Variants in TTC39C observed in about 807,000 individuals in gnomAD.
The protein encoded by TTC39C is tetratricopeptide repeat domain 39C.
A neutral mutation model predicts 76.3 loss-of-function variants in TTC39C; 33 were observed. The observed-to-expected ratio is 0.43, with a 90% confidence interval of 0.33 to 0.58. The LOEUF (loss-of-function observed/expected upper bound fraction) is 0.58. TTC39C is among the 20% of genes least tolerant of loss of function. TTC39C has a pLI of 0.04. For synonymous variants in TTC39C, 254 were observed against 260.6 expected (o/e 0.97, Z 0.24); for missense variants, 595 against 701.4 (o/e 0.85, Z 1.71).
At chr18:24,113,333 C>T in intron 6 of TTC39C, 1 of 506,232 alleles carries the variant, frequency 2.0e-6, no homozygotes. Context: ...CCTTGTTTCC[C>T]CGAGGCCTCC....
At chr18:24,065,252 A>T (rs1243556653) in intron 2 of TTC39C, among the ~76,000 whole-genome samples, 1 of 152,258 alleles carries the variant, frequency 6.6e-6, no homozygotes, top group Non-Finnish European at 1.5e-5. Flanking sequence ...GCCAAGATGG[A>T]GCTGGTGGAA....
chr18:24,061,530 G>A (rs1249586296), intron 1 of TTC39C, among the ~76,000 whole-genome samples: 1 of 144,840 alleles, frequency 6.9e-6, no homozygotes, highest in Admixed American at 7.2e-5. Context: ...AGAGACACAT[G>A]CATGGTCCAC....
intron 1 of TTC39C, among the ~76,000 whole-genome samples, chr18:24,008,864 C>T (rs536082457): frequency 6.6e-6 from 1 of 152,310 alleles, no homozygotes; most frequent in African/African-American, 2.4e-5. Context: ...GAATACCACA[C>T]AACCATAAAA....
chr18:24,036,077 TGCATTG>T (rs2083728973), intron 1 of TTC39C, among the ~76,000 whole-genome samples: 1 of 151,722 alleles, frequency 6.6e-6, no homozygotes, highest in African/African-American at 2.4e-5. Flanking sequence ...TCTATTCTTT[TGCATTG>T]GTCTATATGT....
intron 8 of TTC39C, chr18:24,120,848 G>C (rs1315881624): frequency 6.7e-6 from 1 of 149,320 alleles, no homozygotes; most frequent in Admixed American, 6.7e-5. Context: ...GTTCATCCAT[G>C]TTGTAACATG....
chr18:24,104,046 C>T (rs753865060), intron 6 of TTC39C, among the ~76,000 whole-genome samples: 2 of 151,980 alleles, frequency 1.3e-5, no homozygotes, highest in South Asian at 4.1e-4. Flanking sequence ...ATTCTCCTAC[C>T]TCAACCTCTT....
intron 6 of TTC39C, among the ~76,000 whole-genome samples, chr18:24,086,705 C>A (rs1253880776): frequency 2.0e-5 from 3 of 152,184 alleles, no homozygotes; most frequent in Non-Finnish European, 4.4e-5. Context: ...AGTACTGTGC[C>A]TCGAACCTTC....
chr18:24,099,008 T>TGTGA (rs1555775982), intron 6 of TTC39C, among the ~76,000 whole-genome samples: 2 of 134,556 alleles, frequency 1.5e-5, no homozygotes, highest in Non-Finnish European at 3.3e-5. Flanking sequence ...TAGAGGAATG[T>TGTGA]GTGTGTGTGT....
chr18:24,036,785 C>G (rs182726206), intron 1 of TTC39C, among the ~76,000 whole-genome samples: 204 of 152,204 alleles, frequency 1.3e-3, no homozygotes, highest in African/African-American at 4.7e-3. Flanking sequence ...GTGTGTGCCA[C>G]TACACCTGGC....
At chr18:24,022,968 T>A in intron 1 of TTC39C, 1 of 778,882 alleles carries the variant, frequency 1.3e-6, no homozygotes, top group Non-Finnish European at 1.6e-6. Flanking sequence ...CAAAATTGTT[T>A]ACACATCTGC....
Position 24,040,147 on chromosome 18 carries a change from A to G in TTC39C, c.168-23993A>G, listed in dbSNP as rs141169639. Among the ~76,000 whole-genome samples, 6 of 152,350 alleles carry G rather than the reference A, an allele frequency of 3.9e-5. No homozygotes were observed. The East Asian group carries it at 9.6e-4, about 24-fold the overall frequency. ...TTGGGACCACTAGTGATGATTTATT[A>G]TAATTTAAGAAGTCAGTTAAAGCAG... On this transcript the variant is annotated intron_variant, in intron 1 of 13. Coordinates refer to ENST00000317571, the MANE Select transcript of TTC39C (RefSeq NM_001135993.2).
At chr18:24,075,895 C>T (rs564309580) in intron 4 of TTC39C, among the ~76,000 whole-genome samples, 1 of 152,270 alleles carries the variant, frequency 6.6e-6, no homozygotes, top group South Asian at 2.1e-4. Flanking sequence ...ATTTTGCAAG[C>T]AGCTCTTGCC....
intron 4 of TTC39C, among the ~76,000 whole-genome samples, chr18:24,073,682 A>AT (rs1422755985): frequency 1.3e-5 from 2 of 151,986 alleles, no homozygotes; most frequent in Non-Finnish European, 2.9e-5. Flanking sequence ...CACCTGGCTA[A>AT]TTTTTTAAAA....
chr18:24,130,494 G>A (rs553087852), intron 12 of TTC39C, 77 bp downstream of exon 12: 69 of 426,496 alleles, frequency 1.6e-4, no homozygotes, highest in African/African-American at 1.3e-3. Flanking sequence ...CAAGCACAAA[G>A]CACCCTTCAT....
At chr18:24,076,089 G>A (rs1450964430) in intron 4 of TTC39C, among the ~76,000 whole-genome samples, 1 of 152,132 alleles carries the variant, frequency 6.6e-6, no homozygotes, top group Non-Finnish European at 1.5e-5. Context: ...CTATTCTCCT[G>A]CCTCAGCCTC....
intron 5 of TTC39C, 95 bp downstream of exon 5, chr18:24,081,034 G>A (rs2084369986): frequency 8.6e-7 from 1 of 1,166,744 alleles, no homozygotes; most frequent in South Asian, 1.6e-5. Flanking sequence ...CAGGTAAAAT[G>A]TTTGGTTGGT....
At chr18:24,086,067 G>T (rs992697989) in intron 6 of TTC39C, among the ~76,000 whole-genome samples, 1 of 152,194 alleles carries the variant, frequency 6.6e-6, no homozygotes, top group African/African-American at 2.4e-5. Context: ...TGAAGGCCCT[G>T]ACTCAGTTTA....
At position 24,113,657 on chromosome 18, in the gene TTC39C, T is replaced by G. The variant is rs1452894984; in HGVS notation, c.985-897T>G. On this transcript the variant is annotated intron_variant, in intron 6 of 13. Coordinates refer to ENST00000317571, the MANE Select transcript of TTC39C (RefSeq NM_001135993.2). Reference sequence around the variant, plus strand: ...GGTCGTCTGGCTGTTTAAGATTTATTTATTAATGGTATGTGACATTTAGCA... The same window carrying G: ...GGTCGTCTGGCTGTTTAAGATTTATGTATTAATGGTATGTGACATTTAGCA... The G allele has an allele frequency of 1.0e-5, 7 of 702,254 alleles. No individual in the cohort carries two copies. In the South Asian group the frequency reaches 1.0e-4, roughly 10 times the overall value. 43.5% of individuals were successfully genotyped at this position (702,254 alleles called of 1,614,324 possible).
Position 24,059,027 on chromosome 18 carries a change from A to G in TTC39C, c.168-5113A>G, listed in dbSNP as rs572649361. Among the ~76,000 whole-genome samples, 31 of 152,192 alleles carry G rather than the reference A, an allele frequency of 2.0e-4. 1 individual carries two copies. In the South Asian group the frequency reaches 5.8e-3, roughly 29 times the overall value. Reference sequence around the variant, plus strand: ...ATCCTGAAGATGAGCTCTTAGTTGGATATGTGTATTGCAAATATCTTCTCC... The same window carrying G: ...ATCCTGAAGATGAGCTCTTAGTTGGGTATGTGTATTGCAAATATCTTCTCC... On this transcript the variant is annotated intron_variant, in intron 1 of 13. Transcript: ENST00000317571.
Sources: allele counts gnomAD v4.1 joint callset (sites outside exome capture counted in the v4.1 genomes callset), GRCh38; gene constraint gnomAD v4.1.1; transcripts MANE v1.5; gene names NCBI Gene and HGNC (gene_info 2026-07-23, HGNC 2026-07-21).